Variants in ASTN2 observed in about 807,000 individuals in gnomAD.
ASTN2 encodes astrotactin-2.
In ASTN2, 54 loss-of-function variants were observed where a neutral mutation model predicts 139.8. The ratio of observed to expected loss-of-function variants is 0.39; its 90% CI spans 0.31 to 0.48. The LOEUF (loss-of-function observed/expected upper bound fraction) is 0.48, where lower values mean the gene tolerates loss of function less well. Ranked by LOEUF, ASTN2 falls within the 20% of genes least tolerant of loss-of-function variation. ASTN2 has a pLI of 0.95. For missense variants in ASTN2, 1,565 were observed against 1,725.1 expected, an observed-to-expected ratio of 0.91 and a Z score of 1.64; for synonymous variants, 756 against 719.5, an observed-to-expected ratio of 1.05 and a Z score of -0.81.
chr9:116,502,906 G>A (rs1849938727), intron 19 of ASTN2, among the ~76,000 whole-genome samples: 3 of 127,648 alleles, frequency 2.4e-5, no homozygotes, highest in African/African-American at 9.0e-5. Flanking sequence ...GAAGGAAGGA[G>A]GAAAGGAGGG....
chr9:117,232,420 C>T (rs1832921407), intron 2 of ASTN2, among the ~76,000 whole-genome samples: 1 of 152,100 alleles, frequency 6.6e-6, no homozygotes, highest in South Asian at 2.1e-4. Context: ...GCTTCTTTTG[C>T]CGTAGGAACC....
chr9:116,477,224 C>T (rs1011483895), intron 20 of ASTN2, among the ~76,000 whole-genome samples: 11 of 152,166 alleles, frequency 7.2e-5, no homozygotes, highest in African/African-American at 7.2e-5. Flanking sequence ...TTTTCCTCTA[C>T]GAGTCTCTCT....
chr9:117,310,981 C>T (rs529294994), intron 1 of ASTN2, among the ~76,000 whole-genome samples: 124 of 152,240 alleles, frequency 8.1e-4, no homozygotes, highest in Non-Finnish European at 1.4e-3. Context: ...CAGTTGCCCA[C>T]AGCAGTCCTT....
At chr9:116,811,810 T>C (rs1831174702) in intron 12 of ASTN2, among the ~76,000 whole-genome samples, 1 of 152,238 alleles carries the variant, frequency 6.6e-6, no homozygotes, top group Admixed American at 6.5e-5. Flanking sequence ...TTAACCCATT[T>C]ACATATCCCA....
chr9:116,697,956 A>G (rs1860954459), intron 16 of ASTN2: 2 of 1,614,220 alleles, frequency 1.2e-6, no homozygotes, highest in East Asian at 2.2e-5. Flanking sequence ...CCGCATAACC[A>G]GCTTGACCCA....
At chr9:117,188,213 G>A (rs917131197) in intron 3 of ASTN2, among the ~76,000 whole-genome samples, 2 of 146,046 alleles carry the variant, frequency 1.4e-5, no homozygotes, top group Non-Finnish European at 3.0e-5. Context: ...AGAGAGAGAG[G>A]AAATCACCCC....
chr9:116,940,743 A>G lies in ASTN2; in HGVS notation c.1889+34465T>C, dbSNP rs144561818. On this transcript the variant is annotated intron_variant, in intron 10 of 22. Coordinates refer to ENST00000313400, the MANE Select transcript of ASTN2 (RefSeq NM_001365068.1). ...TGTAGCCTAAGTGTACAGTGTTTAT[A>G]AAGTCCCCAGTAGTATCCGGTAATG... Among the ~76,000 whole-genome samples the G allele has an allele frequency of 2.2e-3, 340 of 152,290 alleles. 1 individual carries two copies. Among genetic ancestry groups the G allele is most frequent in the Admixed American group, 5.8e-3 (89 of 15,298 alleles).
chr9:116,493,333 C>T (rs1168884924), intron 19 of ASTN2, among the ~76,000 whole-genome samples: 2 of 152,164 alleles, frequency 1.3e-5, no homozygotes, highest in African/African-American at 4.8e-5. Flanking sequence ...AAGTCTCTAA[C>T]ATTCTTTTCC....
intron 22 of ASTN2, 94 bp downstream of exon 22, chr9:116,440,515 T>TA: frequency 8.3e-7 from 1 of 1,199,294 alleles, no homozygotes; most frequent in South Asian, 1.5e-5. Flanking sequence ...ATTTACTTGA[T>TA]AAAGCCTAGT....
chr9:116,769,911 G>T (rs866874957), intron 13 of ASTN2, among the ~76,000 whole-genome samples: 99 of 38,478 alleles, frequency 2.6e-3, no homozygotes, highest in African/African-American at 4.2e-3. Context: ...TGGGCATGGT[G>T]GTGGGGTGCC....
At chr9:116,900,506 G>C (rs1033366490) in intron 10 of ASTN2, among the ~76,000 whole-genome samples, 1 of 152,138 alleles carries the variant, frequency 6.6e-6, no homozygotes, top group Non-Finnish European at 1.5e-5. Context: ...TTCTTATTGA[G>C]AGCTATATTC....
At chr9:116,738,870 T>C (rs1015255344) in intron 13 of ASTN2, among the ~76,000 whole-genome samples, 1 of 152,210 alleles carries the variant, frequency 6.6e-6, no homozygotes, top group Non-Finnish European at 1.5e-5. Context: ...ATCCCTGGCA[T>C]AGCTTGACTC....
At chr9:116,613,183 T>G (rs1385329218) in intron 19 of ASTN2, 1 of 152,204 alleles carries the variant, frequency 6.6e-6, no homozygotes, top group Non-Finnish European at 1.5e-5. Flanking sequence ...CAGGAAGAAG[T>G]TGAATCCCTG....
intron 16 of ASTN2, among the ~76,000 whole-genome samples, chr9:116,657,312 G>A (rs1175964845): frequency 6.6e-6 from 1 of 152,180 alleles, no homozygotes; most frequent in Non-Finnish European, 1.5e-5. Flanking sequence ...TAAGTAAGGG[G>A]CCTGGAACAA....
intron 5 of ASTN2, among the ~76,000 whole-genome samples, chr9:117,087,945 A>G (rs1828610533): frequency 6.6e-6 from 1 of 152,226 alleles, no homozygotes; most frequent in South Asian, 2.1e-4. Flanking sequence ...AGATAAGAAG[A>G]GTACAAAGAA....
At chr9:117,256,575 C>T (rs573958847) in intron 2 of ASTN2, among the ~76,000 whole-genome samples, 4 of 152,104 alleles carry the variant, frequency 2.6e-5, no homozygotes, top group African/African-American at 9.6e-5. Context: ...TGTTTATAAG[C>T]CCATGTTCAT....
intron 6 of ASTN2, among the ~76,000 whole-genome samples, chr9:117,027,554 TC>T (rs1392266954): frequency 2.0e-5 from 3 of 151,762 alleles, no homozygotes; most frequent in African/African-American, 7.3e-5. Context: ...CCTCCCTCTC[TC>T]CCCCCACCTC....
intron 2 of ASTN2, among the ~76,000 whole-genome samples, chr9:117,271,185 C>T (rs1834055475): frequency 6.6e-6 from 1 of 152,084 alleles, no homozygotes. Flanking sequence ...CTGGGGACAC[C>T]TCATAATCAT....
chr9:116,645,236 G>C (rs1437721479), intron 17 of ASTN2, among the ~76,000 whole-genome samples: 1 of 152,156 alleles, frequency 6.6e-6, no homozygotes, highest in Non-Finnish European at 1.5e-5. Flanking sequence ...ACCACACAAA[G>C]TCTTGTACAT....
Sources: allele counts gnomAD v4.1 joint callset (sites outside exome capture counted in the v4.1 genomes callset), GRCh38; gene constraint gnomAD v4.1.1; transcripts MANE v1.5; gene names NCBI Gene and HGNC (gene_info 2026-07-23, HGNC 2026-07-21).